Variants in TCN1 observed in about 807,000 individuals in gnomAD.
TCN1 encodes transcobalamin 1.
TCN1 carries 47 observed loss-of-function variants against 46.3 expected under a neutral mutation model. The observed-to-expected ratio is 1.01, with a 90% CI of 0.80 to 1.29. TCN1 has a LOEUF of 1.29. Among genes scored for constraint, TCN1 ranks in the 50% most tolerant of loss-of-function variants. TCN1 has a pLI of 0.00. For missense variants in TCN1, 532 were observed against 511.0 expected (o/e 1.04, Z -0.40); for synonymous variants, 183 against 192.5 (o/e 0.95, Z 0.41).
intron 4 of TCN1, among the ~76,000 whole-genome samples, chr11:59,860,624 A>C (rs1040978775): frequency 6.6e-6 from 1 of 152,170 alleles, no homozygotes; most frequent in African/African-American, 2.4e-5. Context: ...AGGCTGAATC[A>C]AATAAACTGT....
chr11:59,866,272 G>A (rs1196191107), intron 1 of TCN1, 120 bp downstream of exon 1: 6 of 988,468 alleles, frequency 6.1e-6, no homozygotes, highest in African/African-American at 1.6e-5. Flanking sequence ...CATTCATGGA[G>A]TCCAACCACA....
intron 1 of TCN1, among the ~76,000 whole-genome samples, chr11:59,866,029 T>C (rs1853069844): frequency 6.6e-6 from 1 of 152,152 alleles, no homozygotes; most frequent in African/African-American, 2.4e-5. Flanking sequence ...GGAAAAAAGA[T>C]TGCATATCAA....
At chr11:59,865,319 G>A (rs1238040102) in intron 1 of TCN1, among the ~76,000 whole-genome samples, 1 of 152,040 alleles carries the variant, frequency 6.6e-6, no homozygotes, top group African/African-American at 2.4e-5. Flanking sequence ...TTTAGTTCCT[G>A]ATCAACAACT....
At chr11:59,855,317 C>T (rs1852918960) in intron 6 of TCN1, among the ~76,000 whole-genome samples, 1 of 152,148 alleles carries the variant, frequency 6.6e-6, no homozygotes, top group Admixed American at 6.6e-5. Context: ...AAAACTGAAG[C>T]TTAGAGGTTA....
Position 59,853,299 on chromosome 11 carries a change from A to G in TCN1, c.1144T>C (p.Trp382Arg). ...IFGFTMEERS[W>R]GPYITCIQGL... Reference sequence around the variant, plus strand: ...TGAATACAGGTGATATAGGGCCCCCATGAGCGCTCCTCCATTGTGAAACTG... The same window carrying G: ...TGAATACAGGTGATATAGGGCCCCCGTGAGCGCTCCTCCATTGTGAAACTG... The change falls in exon 8 of 9, where the codon TGG becomes CGG. Residue 382 changes from tryptophan to arginine, a missense_variant. Trp to Arg is a moderately radical substitution (Grantham distance 101). Transcript: ENST00000257264. 1 of 1,614,050 alleles carries G rather than the reference A, an allele frequency of 6.2e-7. No homozygotes were observed. The highest frequency in any genetic ancestry group is 8.5e-7 in the Non-Finnish European group (1 of 1,179,984).
chr11:59,857,897 T>C (rs1248180791), intron 5 of TCN1, among the ~76,000 whole-genome samples: 1 of 152,196 alleles, frequency 6.6e-6, no homozygotes, highest in Non-Finnish European at 1.5e-5. Context: ...CTCATGCTCC[T>C]AGTTTAGGAA....
At position 59,862,872 on chromosome 11, in the gene TCN1, A is replaced by G. The variant is rs116286548; in HGVS notation, c.260-150T>C. ...CGCTTAATGATAGGGATAAATTCTG[A>G]GAAACTGGTTGTTAAGCGATTTTGT... On this transcript the variant is annotated intron_variant, in intron 2 of 8. Coordinates refer to ENST00000257264, the MANE Select transcript of TCN1 (RefSeq NM_001062.4). 2.6e-3 allele frequency: 2,307 copies of G among 901,966 alleles called. 42 individuals carry two copies. In the African/African-American group the frequency reaches 0.035, roughly 14 times the overall value. 55.9% of individuals were successfully genotyped at this position (901,966 alleles called of 1,614,324 possible). A position where few individuals can be genotyped will look rare whatever the true frequency, so the allele number is the denominator to read the frequency against.
chr11:59,858,633 C>G (rs1852976143), intron 5 of TCN1, among the ~76,000 whole-genome samples: 1 of 152,104 alleles, frequency 6.6e-6, no homozygotes, highest in African/African-American at 2.4e-5. Context: ...AGTATAGGAA[C>G]CGCAGAATGT....
chr11:59,865,645 C>G (rs904574155), intron 1 of TCN1, among the ~76,000 whole-genome samples: 1 of 152,138 alleles, frequency 6.6e-6, no homozygotes, highest in South Asian at 2.1e-4. Flanking sequence ...AGAACTGCAC[C>G]AGACTTCATG....
At position 59,859,237 on chromosome 11, in the gene TCN1, G is replaced by T; in HGVS notation, c.587C>A (p.Thr196Asn). The T allele has an allele frequency of 6.2e-7, 1 of 1,613,876 alleles. No homozygotes were observed. The highest frequency in any genetic ancestry group is 8.5e-7 in the Non-Finnish European group (1 of 1,180,016). The change falls in exon 5 of 9, where the codon ACC (threonine) becomes AAC (asparagine). Residue 196 changes from threonine (T) to asparagine (N), a missense_variant. By Grantham distance (65) the Thr-to-Asn change is moderately conservative. Transcript: ENST00000257264. ...ATTTATTAGACTCTTCTTCACACAG[G>T]TCAGAGCCAGGACAGCCATTGCACC... is the stretch of plus-strand genomic sequence containing the variant. The part of the protein sequence containing the change: ...DTGAMAVLAL[T>N]CVKKSLINGQ...
chr11:59,861,382 T>C, intron 4 of TCN1, 145 bp downstream of exon 4: 7 of 893,654 alleles, frequency 7.8e-6, no homozygotes, highest in Non-Finnish European at 1.3e-5. Context: ...TCCATTCTTC[T>C]CAAAAAGAAA....
chr11:59,854,782 G>GT lies in TCN1; in HGVS notation c.990dup (p.Gln331ThrfsTer14). The GT allele has an allele frequency of 6.2e-7, 1 of 1,614,062 alleles. No individual in the cohort carries two copies. The highest frequency in any genetic ancestry group is 8.5e-7 in the Non-Finnish European group (1 of 1,179,934). On this transcript the variant is annotated frameshift_variant, in exon 7 of 9. Transcript: ENST00000257264. LOFTEE classifies it high-confidence loss of function. ...GAGTAATTGACGGAGATATATGATT[G>GT]TGAGTCAGGAGGTGTCACAGTTATA...
Position 59,866,389 on chromosome 11 carries a change from C to T in TCN1, c.79+3G>A. The T allele has an allele frequency of 6.2e-7, 1 of 1,613,282 alleles. No individual in the cohort carries two copies. The highest frequency in any genetic ancestry group is 2.2e-5 in the East Asian group (1 of 44,876). On this transcript the variant is annotated splice_donor_region_variant and intron_variant, in intron 1 of 8. Coordinates refer to ENST00000257264, the MANE Select transcript of TCN1 (RefSeq NM_001062.4). ...GAGTAATTTTAGCTCAAAGTTTACTCACCACAAATCTCGCATAGTTGGCTT... is the reference window on the plus strand; with the variant it reads ...GAGTAATTTTAGCTCAAAGTTTACTTACCACAAATCTCGCATAGTTGGCTT...
intron 6 of TCN1, among the ~76,000 whole-genome samples, chr11:59,855,265 A>G (rs1565213486): frequency 6.6e-6 from 1 of 152,198 alleles, no homozygotes; most frequent in South Asian, 2.1e-4. Context: ...CTTTACAAAA[A>G]CCTATGTTAG....
chr11:59,864,233 A>G (rs2135111286), intron 1 of TCN1, 147 bp from the exon 2 acceptor site: 1 of 919,570 alleles, frequency 1.1e-6, no homozygotes, highest in Non-Finnish European at 1.7e-6. Context: ...GGAATAATAC[A>G]AAGGTGGGTC....
intron 7 of TCN1, 86 bp from the exon 8 acceptor site, chr11:59,853,407 G>T: frequency 8.6e-7 from 1 of 1,159,766 alleles, no homozygotes; most frequent in Non-Finnish European, 1.3e-6. Context: ...TAATGTACCT[G>T]AGAATCACTT....
At chr11:59,859,337 T>TG in intron 4 of TCN1, 70 bp from the exon 5 acceptor site, 1 of 1,552,694 alleles carries the variant, frequency 6.4e-7, no homozygotes, top group South Asian at 1.1e-5. Context: ...AGAGGTTTCC[T>TG]GGGATGTGAG....
chr11:59,854,633 A>G lies in TCN1; in HGVS notation c.1121+19T>C, dbSNP rs771860869. 1 of 1,610,044 alleles carries G rather than the reference A, an allele frequency of 6.2e-7. No homozygotes were observed. ...AAATGACAGCAAACATCTTAACCTT[A>G]GGTTAGGTACAGACCTACCCAAATA... On this transcript the variant is annotated intron_variant, in intron 7 of 8. Transcript: ENST00000257264.
intron 6 of TCN1, among the ~76,000 whole-genome samples, chr11:59,855,324 G>T (rs916284755): frequency 6.6e-6 from 1 of 152,146 alleles, no homozygotes; most frequent in African/African-American, 2.4e-5. Flanking sequence ...AAGCTTAGAG[G>T]TTAAACATTT....
Sources: allele counts gnomAD v4.1 joint callset (sites outside exome capture counted in the v4.1 genomes callset), GRCh38; gene constraint gnomAD v4.1.1; transcripts MANE v1.5; gene names NCBI Gene and HGNC (gene_info 2026-07-23, HGNC 2026-07-21).